Variants in PPFIA3 observed in about 807,000 individuals in gnomAD.
PPFIA3 encodes the protein liprin-alpha-3.
A neutral mutation model predicts 145.8 loss-of-function variants in PPFIA3; 26 were observed. The ratio of observed to expected loss-of-function variants is 0.18; its 90% CI spans 0.13 to 0.25. The LOEUF is 0.25. PPFIA3 is among the 10% of genes least tolerant of loss of function. PPFIA3 has a pLI of 1.00. For synonymous variants in PPFIA3, 645 were observed against 661.4 expected, an observed-to-expected ratio of 0.98 and a Z score of 0.38; for missense variants, 1,008 against 1,587.8, an observed-to-expected ratio of 0.63 and a Z score of 6.21.
At chr19:49,131,107 G>A (rs540063528) in intron 7 of PPFIA3, among the ~76,000 whole-genome samples, 72 of 138,878 alleles carry the variant, frequency 5.2e-4, no homozygotes, top group South Asian at 1.1e-3. Flanking sequence ...CTCTTGATCC[G>A]CCCACCTCGG....
At chr19:49,132,912 A>G in intron 7 of PPFIA3, 89 bp from the exon 8 acceptor site, 1 of 1,520,274 alleles carries the variant, frequency 6.6e-7, no homozygotes, top group Non-Finnish European at 8.9e-7. Flanking sequence ...CTCCCATGTC[A>G]GGGCACTTTG....
intron 1 of PPFIA3, among the ~76,000 whole-genome samples, chr19:49,121,077 G>A (rs1444474443): frequency 2.0e-5 from 3 of 152,096 alleles, no homozygotes; most frequent in Non-Finnish European, 4.4e-5. Context: ...TCATCCTCAT[G>A]TCACCCCAGG....
chr19:49,130,056 G>A lies in PPFIA3; in HGVS notation c.646G>A (p.Gly216Arg), dbSNP rs1309944169. ...RSGLEEPGKD[G>R]DGQTLANGLG... ...AGGGCTGGAAGAGCCGGGCAAGGATGGGGATGGGCAGGTGAGACATGGAAG... is the reference window on the plus strand; with the variant it reads ...AGGGCTGGAAGAGCCGGGCAAGGATAGGGATGGGCAGGTGAGACATGGAAG... Residue 216 changes from glycine to arginine, a missense_variant, in exon 6 of 30, where the codon GGG becomes AGG. By Grantham distance (125) the Gly-to-Arg change is moderately radical. Transcript: ENST00000334186. The surrounding 1 kb of genome is among the most constrained non-coding windows in gnomAD (Gnocchi z 4.5). The A allele has an allele frequency of 1.2e-6, 2 of 1,611,992 alleles. No individual in the cohort carries two copies. The highest frequency in any genetic ancestry group is 2.7e-5 in the African/African-American group (2 of 74,762).
At chr19:49,146,526 A>C (rs1475802209) in intron 23 of PPFIA3, 2 of 422,868 alleles carry the variant, frequency 4.7e-6, no homozygotes, top group Non-Finnish European at 8.6e-6. Flanking sequence ...CGGGGGCTAC[A>C]GTGGACTGCT....
At chr19:49,126,560 C>CTTTT (rs762895281) in intron 1 of PPFIA3, among the ~76,000 whole-genome samples, 9 of 118,804 alleles carry the variant, frequency 7.6e-5, no homozygotes, top group Non-Finnish European at 1.0e-4. Context: ...CCTGGCCTTG[C>CTTTT]TTTTTTTTTT....
intron 1 of PPFIA3, among the ~76,000 whole-genome samples, chr19:49,123,657 G>A (rs550430621): frequency 2.0e-4 from 31 of 152,018 alleles, no homozygotes; most frequent in African/African-American, 7.5e-4. Flanking sequence ...GGCTAGGCTG[G>A]TCTCGAAATC....
Position 49,130,076 on chromosome 19 carries a change from T to C in PPFIA3, c.657+9T>C, listed in dbSNP as rs760142905. Reference sequence around the variant, plus strand: ...AGGATGGGGATGGGCAGGTGAGACATGGAAGTCCCCTCTCCGTGAGCTCCA... The same window carrying C: ...AGGATGGGGATGGGCAGGTGAGACACGGAAGTCCCCTCTCCGTGAGCTCCA... On this transcript the variant is annotated intron_variant, in intron 6 of 29. Coordinates refer to ENST00000334186, the MANE Select transcript of PPFIA3 (RefSeq NM_003660.4). This position sits in a 1 kb window ranked among gnomAD's most constrained non-coding sequence, Gnocchi z 4.5. 6.2e-7 allele frequency: 1 copy of C among 1,607,852 alleles called. No individual in the cohort carries two copies. The highest frequency in any genetic ancestry group is 1.1e-5 in the South Asian group (1 of 90,784).
chr19:49,131,165 C>CTCT (rs2041065689), intron 7 of PPFIA3, among the ~76,000 whole-genome samples: 1 of 102,086 alleles, frequency 9.8e-6, no homozygotes, highest in African/African-American at 3.8e-5. Context: ...CACCCAGCCT[C>CTCT]TTTTTTTTTT....
intron 7 of PPFIA3, among the ~76,000 whole-genome samples, chr19:49,131,230 G>A (rs1331390153): frequency 7.1e-6 from 1 of 141,502 alleles, no homozygotes; most frequent in East Asian, 2.1e-4. Flanking sequence ...GTGCAGTGTC[G>A]GGATCTTGGC....
chr19:49,145,570 C>T (rs1267829263), intron 21 of PPFIA3: 1 of 273,810 alleles, frequency 3.7e-6, no homozygotes, highest in Non-Finnish European at 7.1e-6. Flanking sequence ...GGAGCAGAAG[C>T]TCAATAAATG....
rs1206454249 is a variant in PPFIA3, at chr19:49,130,051, AGGATGG to A, written c.649_654del (p.Asp217_Gly218del). 2 of 1,612,898 alleles carry A rather than the reference AGGATGG, an allele frequency of 1.2e-6. No homozygotes were observed. The highest frequency in any genetic ancestry group is 2.7e-5 in the African/African-American group (2 of 74,834). On this transcript the variant is annotated inframe_deletion, in exon 6 of 30. Coordinates refer to ENST00000334186, the MANE Select transcript of PPFIA3 (RefSeq NM_003660.4). This position sits in a 1 kb window ranked among gnomAD's most constrained non-coding sequence, Gnocchi z 4.5. The stretch of plus-strand genomic sequence containing the variant: ...CGGTCAGGGCTGGAAGAGCCGGGCA[AGGATGG>A]GGATGGGCAGGTGAGACATGGAAGT...
intron 20 of PPFIA3, 35 bp downstream of exon 20, chr19:49,142,150 C>T: frequency 6.5e-7 from 1 of 1,535,740 alleles, no homozygotes; most frequent in Non-Finnish European, 8.8e-7. Context: ...ACTGTTGGTC[C>T]CCAACCCCTC....
Position 49,128,056 on chromosome 19 carries a change from C to A in PPFIA3, c.183C>A (p.Arg61=). The A allele has an allele frequency of 6.3e-7, 1 of 1,594,166 alleles. No homozygotes were observed. The highest frequency in any genetic ancestry group is 8.5e-7 in the Non-Finnish European group (1 of 1,177,920). Residue 61 remains arginine (R), a synonymous_variant, in exon 2 of 30, where the codon CGC becomes CGA. Coordinates refer to ENST00000334186, the MANE Select transcript of PPFIA3 (RefSeq NM_003660.4). This position sits in a 1 kb window ranked among gnomAD's most constrained non-coding sequence, Gnocchi z 4.1. ...TGGCTACAGCGCAGCTGCGGCTGCG[C>A]GAGCTCGGCCACGAGAAGGACTCGC... ...DGLATAQLRL[R]ELGHEKDSLQ...
Position 49,133,680 on chromosome 19 carries a change from G to A in PPFIA3, c.1162-116G>A. 1 of 1,148,632 alleles carries A rather than the reference G, an allele frequency of 8.7e-7. No homozygotes were observed. Among genetic ancestry groups the A allele is most frequent in the East Asian group, 2.5e-5 (1 of 40,042 alleles). 71.2% of individuals were successfully genotyped at this position (1,148,632 alleles called of 1,614,324 possible). A position where few individuals can be genotyped will look rare whatever the true frequency, so the allele number is the denominator to read the frequency against. ...GGCGGGGCCTGACTCAAAGGTGCAG[G>A]GGAGGAGCCTGGCGCTGTGGGGGCG... On this transcript the variant is annotated intron_variant, in intron 9 of 29. Coordinates refer to ENST00000334186, the MANE Select transcript of PPFIA3 (RefSeq NM_003660.4). The surrounding 1 kb of genome is among the most constrained non-coding windows in gnomAD (Gnocchi z 7.2).
At chr19:49,144,829 A>G (rs2041262373) in intron 21 of PPFIA3, among the ~76,000 whole-genome samples, 2 of 152,168 alleles carry the variant, frequency 1.3e-5, no homozygotes, top group Non-Finnish European at 2.9e-5. Flanking sequence ...TTAGCCCCCA[A>G]AATTACTTTA....
chr19:49,127,356 C>G (rs1281561759), intron 1 of PPFIA3, among the ~76,000 whole-genome samples: 1 of 140,186 alleles, frequency 7.1e-6, no homozygotes, highest in Non-Finnish European at 1.5e-5. Flanking sequence ...TCACTGCACT[C>G]CAGCCTGGGT....
rs372371049 is a variant in PPFIA3 at position 49,138,299 on chromosome 19, C to T, written c.1948C>T (p.Arg650Cys). 1 of 1,613,366 alleles carries T rather than the reference C, an allele frequency of 6.2e-7. No individual in the cohort carries two copies. Among genetic ancestry groups the T allele is most frequent in the Non-Finnish European group, 8.5e-7 (1 of 1,179,756 alleles). Residue 650 changes from arginine to cysteine, a missense_variant, in exon 16 of 30, where the codon CGC becomes TGC. Coordinates refer to ENST00000334186, the MANE Select transcript of PPFIA3 (RefSeq NM_003660.4). Reference protein sequence around the residue: ...SSGLDSLGRYRSSCSLPPSLT... With the variant: ...SSGLDSLGRYCSSCSLPPSLT... The stretch of plus-strand genomic sequence containing the variant: ...TGGCTTGGACTCGTTGGGCCGCTAC[C>T]GCAGCAGCTGCTCCCTGCCCCCCTC...
rs1422167794 is a variant in PPFIA3 at position 49,130,809 on chromosome 19, T to C, written c.879+210T>C. ...CGCAGAGTAGGCGCTCCATAACTGC[T>C]CGTAATTACTTTGTTACCTAACTTT... On this transcript the variant is annotated intron_variant, in intron 7 of 29. Transcript: ENST00000334186. The surrounding 1 kb of genome is among the most constrained non-coding windows in gnomAD (Gnocchi z 4.5). 1.3e-5 allele frequency among the ~76,000 whole-genome samples: 2 copies of C among 152,202 alleles called. No homozygotes were observed. The highest frequency in any genetic ancestry group is 6.5e-5 in the Admixed American group (1 of 15,280).
At chr19:49,145,074 G>A (rs1010652718) in intron 21 of PPFIA3, among the ~76,000 whole-genome samples, 1 of 151,862 alleles carries the variant, frequency 6.6e-6, no homozygotes. Flanking sequence ...GGGATTAAAG[G>A]CACACGCCAC....
Sources: gnomAD v4.1 joint callset for allele counts (sites outside exome capture counted in the v4.1 genomes callset) on GRCh38, gnomAD v4.1.1 for gene constraint, Gnocchi (gnomAD v3.1) non-coding constraint, MANE v1.5 for transcripts, NCBI Gene and HGNC (gene_info 2026-07-23, HGNC 2026-07-21) for gene names.